TNFAIP3: variants seen among roughly 807,000 people sequenced by gnomAD.
The protein encoded by TNFAIP3 is tumor necrosis factor alpha-induced protein 3.
Under a neutral mutation model 72.4 loss-of-function variants are expected in TNFAIP3, and 9 were observed. The ratio of observed to expected loss-of-function variants is 0.12; its 90% CI spans 0.07 to 0.22. The LOEUF (loss-of-function observed/expected upper bound fraction) is 0.22, where lower values mean the gene tolerates loss of function less well. TNFAIP3 is among the 10% of genes least tolerant of loss of function. The pLI is 1.00. For missense variants in TNFAIP3, 833 were observed against 1,018.7 expected (o/e 0.82, Z 2.48); for synonymous variants, 339 against 372.6 (o/e 0.91, Z 1.04).
intron 1 of TNFAIP3, among the ~76,000 whole-genome samples, chr6:137,869,003 A>T (rs375617323): frequency 6.6e-6 from 1 of 152,242 alleles, no homozygotes; most frequent in African/African-American, 2.4e-5. Flanking sequence ...GCAAGCAAAA[A>T]GAGATAACAC....
Position 137,877,206 on chromosome 6 carries a change from C to A in TNFAIP3, c.936C>A (p.Ile312=), listed in dbSNP as rs1431948844. The change falls in exon 6 of 9, where the codon ATC becomes ATA. Residue 312 remains isoleucine (I), a synonymous_variant. Transcript: ENST00000612899. ...AAGAGTACTTAATGGTGATAGAAAT[C>A]CCCGTCCAAGGCTGGGACCATGGCA... ...LLKEYLMVIE[I]PVQGWDHGTT... 6.2e-7 allele frequency: 1 copy of A among 1,613,760 alleles called. No homozygotes were observed. The highest frequency in any genetic ancestry group is 1.7e-5 in the Admixed American group (1 of 59,970).
intron 8 of TNFAIP3, among the ~76,000 whole-genome samples, chr6:137,880,659 CTAA>C (rs1451269733): frequency 6.6e-6 from 1 of 151,786 alleles, no homozygotes; most frequent in East Asian, 1.9e-4. Flanking sequence ...CTGCCTCCAC[CTAA>C]TGGCGCGTCA....
Position 137,881,298 on chromosome 6 carries a change from G to T in TNFAIP3, c.2352G>T (p.Gln784His). Reference protein sequence around the residue: ...KCNGYCNECFQFKQMYG With the variant: ...KCNGYCNECFHFKQMYG ...ACGGCTACTGCAACGAATGCTTTCA[G>T]TTCAAGCAGATGTATGGCTAACCGG... The change falls in exon 9 of 9, where the codon CAG becomes CAT. Residue 784 changes from glutamine to histidine, a missense_variant. Physicochemically the swap from Gln to His is conservative, Grantham distance 24. Transcript: ENST00000612899. The surrounding 1 kb of genome is among the most constrained non-coding windows in gnomAD (Gnocchi z 5.0). 1 of 1,555,188 alleles carries T rather than the reference G, an allele frequency of 6.4e-7. No individual in the cohort carries two copies. The highest frequency in any genetic ancestry group is 8.7e-7 in the Non-Finnish European group (1 of 1,151,394).
chr6:137,878,269 G>A (rs1165532309), intron 6 of TNFAIP3, among the ~76,000 whole-genome samples, 163 bp from the exon 7 acceptor site: 4 of 152,200 alleles, frequency 2.6e-5, no homozygotes, highest in Admixed American at 6.5e-5. Context: ...ATCATGTTGC[G>A]TGAAAAGTGT....
intron 6 of TNFAIP3, among the ~76,000 whole-genome samples, chr6:137,877,654 A>G (rs1776295219): frequency 6.6e-6 from 1 of 152,248 alleles, no homozygotes; most frequent in African/African-American, 2.4e-5. Context: ...CTTCTTGGTA[A>G]GAACAGGCAC....
chr6:137,868,690 A>G lies in TNFAIP3; in HGVS notation c.-16+1148A>G, dbSNP rs534201215. On this transcript the variant is annotated intron_variant, in intron 1 of 8. Transcript: ENST00000612899. ...CTACCTTTAAATAAGACAGTGAGGTAACAAATGTTAAAAAAAAAAAAGTTA... is the reference window on the plus strand; with the variant it reads ...CTACCTTTAAATAAGACAGTGAGGTGACAAATGTTAAAAAAAAAAAAGTTA... Among the ~76,000 whole-genome samples, 101 of 101,234 alleles carry G rather than the reference A, an allele frequency of 1.0e-3. No homozygotes were observed. The East Asian group carries it at 0.013, about 13-fold the overall frequency. 66.4% of individuals were successfully genotyped at this position (101,234 alleles called of 152,430 possible). A position where few individuals can be genotyped will look rare whatever the true frequency, so the allele number is the denominator to read the frequency against.
Position 137,879,150 on chromosome 6 carries a change from C to T in TNFAIP3, c.1705C>T (p.Arg569Trp), listed in dbSNP as rs769014911. 1.2e-5 allele frequency: 20 copies of T among 1,614,024 alleles called. No individual in the cohort carries two copies. The highest frequency in any genetic ancestry group is 1.6e-5 in the Non-Finnish European group (19 of 1,180,054). The change falls in exon 7 of 9, where the codon CGG becomes TGG. Residue 569 changes from arginine (R) to tryptophan (W), a missense_variant. By Grantham distance (101) the Arg-to-Trp change is moderately radical. Around this residue, in one of 2 missense-constraint regions of TNFAIP3, gnomAD observed 587 missense variants for 657.8 expected, o/e 0.89. Transcript: ENST00000612899. Reference sequence around the variant, plus strand: ...CCAGCGTTCCAAGTCAGATCCCTCGCGGCTCGTCCGGAGCCCCTCCCCGCA... The same window carrying T: ...CCAGCGTTCCAAGTCAGATCCCTCGTGGCTCGTCCGGAGCCCCTCCCCGCA... ...CHQRSKSDPS[R>W]LVRSPSPHSC...
intron 2 of TNFAIP3, among the ~76,000 whole-genome samples, chr6:137,872,120 C>T (rs113963463): frequency 9.8e-4 from 150 of 152,322 alleles, no homozygotes; most frequent in Non-Finnish European, 1.6e-3. Context: ...GAATTTTAGA[C>T]TTCACCTTCA....
rs1336708756 is a variant in TNFAIP3, at chr6:137,871,908, G to A, written c.295+386G>A. On this transcript the variant is annotated intron_variant, in intron 2 of 8. Transcript: ENST00000612899. The surrounding 1 kb of genome is among the most constrained non-coding windows in gnomAD (Gnocchi z 4.2). ...AAAGGAAAGAATGGTGTGAAAACTG[G>A]TAGTACATTTGTTTCCCACTGTCAT... Among the ~76,000 whole-genome samples, 2 of 152,268 alleles carry A rather than the reference G, an allele frequency of 1.3e-5. No homozygotes were observed. The highest frequency in any genetic ancestry group is 1.9e-4 in the East Asian group (1 of 5,192).
In TNFAIP3 at chr6:137,880,157, C is replaced by G. The variant is rs748886968; in HGVS notation, c.1993C>G (p.Leu665Val). The change falls in exon 8 of 9, where the codon CTT becomes GTT. Residue 665 changes from leucine to valine, a missense_variant. Physicochemically the swap from Leu to Val is conservative, Grantham distance 32. Transcript: ENST00000612899. Reference protein sequence around the residue: ...IPCLGRECGTLGSTMFEGYCQ... With the variant: ...IPCLGRECGTVGSTMFEGYCQ... The stretch of plus-strand genomic sequence containing the variant: ...GTGCCTGGGGAGGGAATGCGGCACC[C>G]TTGGAAGCACCATGTTTGAAGGATA... 10 of 1,614,108 alleles carry G rather than the reference C, an allele frequency of 6.2e-6. No individual in the cohort carries two copies. Among genetic ancestry groups the G allele is most frequent in the African/African-American group, 1.3e-5 (1 of 75,022 alleles).
rs1776479197 is a variant in TNFAIP3 at position 137,881,952 on chromosome 6, A to G, written c.*633A>G. On this transcript the variant is annotated 3_prime_UTR_variant, in exon 9 of 9. Coordinates refer to ENST00000612899, the MANE Select transcript of TNFAIP3 (RefSeq NM_001270508.2). This position sits in a 1 kb window ranked among gnomAD's most constrained non-coding sequence, Gnocchi z 5.0. Reference sequence around the variant, plus strand: ...GATTCTGAGGCTGCTGAGACTGAACATGTTCACATTGACAGAAAAACAAGC... The same window carrying G: ...GATTCTGAGGCTGCTGAGACTGAACGTGTTCACATTGACAGAAAAACAAGC... The G allele has an allele frequency of 4.3e-6, 1 of 231,774 alleles. No individual in the cohort carries two copies. The highest frequency in any genetic ancestry group is 8.5e-6 in the Non-Finnish European group (1 of 117,140). 14.4% of individuals were successfully genotyped at this position (231,774 alleles called of 1,614,324 possible). A position where few individuals can be genotyped will look rare whatever the true frequency, so the allele number is the denominator to read the frequency against.
In TNFAIP3 at chr6:137,869,853, TC is replaced by T. The variant is rs1379940400; in HGVS notation, c.-15-1359del. Among the ~76,000 whole-genome samples, 5 of 152,350 alleles carry T rather than the reference TC, an allele frequency of 3.3e-5. No homozygotes were observed. In the East Asian group the frequency reaches 5.8e-4, roughly 18 times the overall value. ...TCACTGTGAAATTTCCTAGGGAATGTCTTTGTGCTCTGAAAACTTCTTCATC... is the reference window on the plus strand; with the variant it reads ...TCACTGTGAAATTTCCTAGGGAATGTTTTGTGCTCTGAAAACTTCTTCATC... On this transcript the variant is annotated intron_variant, in intron 1 of 8. Coordinates refer to ENST00000612899, the MANE Select transcript of TNFAIP3 (RefSeq NM_001270508.2).
At position 137,883,120 on chromosome 6, in the gene TNFAIP3, G is replaced by A. The variant is rs1396784624; in HGVS notation, c.*1801G>A. ...TAAAGTTGATATCTTAATATTTTGT[G>A]TTGATCATTATTTCCATTCTTAATG... On this transcript the variant is annotated 3_prime_UTR_variant, in exon 9 of 9. Transcript: ENST00000612899. 2 of 206,212 alleles carry A rather than the reference G, an allele frequency of 9.7e-6. No homozygotes were observed. The highest frequency in any genetic ancestry group is 6.0e-5 in the Admixed American group (1 of 16,774). 12.8% of individuals were successfully genotyped at this position (206,212 alleles called of 1,614,324 possible).
rs766066388 is a variant in TNFAIP3, at chr6:137,871,421, A to G, written c.194A>G (p.His65Arg). The G allele has an allele frequency of 6.2e-7, 1 of 1,614,214 alleles. No individual in the cohort carries two copies. The highest frequency in any genetic ancestry group is 2.2e-5 in the East Asian group (1 of 44,890). Residue 65 changes from histidine to arginine, a missense_variant, in exon 2 of 9, where the codon CAC becomes CGC. Physicochemically the swap from His to Arg is conservative, Grantham distance 29. Transcript: ENST00000612899. This position sits in a 1 kb window ranked among gnomAD's most constrained non-coding sequence, Gnocchi z 4.2. ...TGTCCTCAGTTTCGGGAGATCATCC[A>G]CAAAGCCCTCATCGACAGAAACATC... ...QFCPQFREII[H>R]KALIDRNIQA...
chr6:137,873,087 C>T (rs935440063), intron 2 of TNFAIP3, among the ~76,000 whole-genome samples: 1 of 152,094 alleles, frequency 6.6e-6, no homozygotes, highest in Non-Finnish European at 1.5e-5. Context: ...GTAACATTTT[C>T]TGGGAAATCA....
chr6:137,871,137 C>T lies in TNFAIP3; in HGVS notation c.-15-76C>T. ...ATGACAAGATCAAACACTGGGGTTT[C>T]CTGCAGGCAGCTATAGAGGAGTCGT... On this transcript the variant is annotated intron_variant, in intron 1 of 8. Transcript: ENST00000612899. This position sits in a 1 kb window ranked among gnomAD's most constrained non-coding sequence, Gnocchi z 4.2. 1 of 1,391,884 alleles carries T rather than the reference C, an allele frequency of 7.2e-7. No homozygotes were observed. The highest frequency in any genetic ancestry group is 9.7e-7 in the Non-Finnish European group (1 of 1,030,042). 86.2% of individuals were successfully genotyped at this position (1,391,884 alleles called of 1,614,324 possible).
At chr6:137,880,669 G>A (rs538718397) in intron 8 of TNFAIP3, among the ~76,000 whole-genome samples, 4 of 152,284 alleles carry the variant, frequency 2.6e-5, no homozygotes, top group East Asian at 1.9e-4. Flanking sequence ...CTAATGGCGC[G>A]TCAGAAAAGC....
At chr6:137,870,230 T>G (rs1776012363) in intron 1 of TNFAIP3, among the ~76,000 whole-genome samples, 1 of 152,202 alleles carries the variant, frequency 6.6e-6, no homozygotes, top group Admixed American at 6.5e-5. Flanking sequence ...ATGATTGAGC[T>G]CCAATATCTG....
At chr6:137,868,009 TG>T in intron 1 of TNFAIP3, 1 of 152,602 alleles carries the variant, frequency 6.6e-6, no homozygotes, top group South Asian at 2.0e-4. Context: ...CCGGCGGAGG[TG>T]GGGGGCTTCA....
Sources: allele counts gnomAD v4.1 joint callset (sites outside exome capture counted in the v4.1 genomes callset), GRCh38; gene constraint gnomAD v4.1.1; regional missense constraint gnomAD v4.1.1; non-coding constraint Gnocchi (gnomAD v3.1); transcripts MANE v1.5; gene names NCBI Gene and HGNC (gene_info 2026-07-23, HGNC 2026-07-21).